The following UNC13A variants were observed in gnomAD, a reference collection of about 807,000 sequenced individuals.
UNC13A encodes the protein protein unc-13 homolog A.
UNC13A carries 61 observed loss-of-function variants against 219.7 expected under a neutral mutation model. The ratio of observed to expected loss-of-function variants is 0.28; its 90% CI spans 0.23 to 0.34. The LOEUF (loss-of-function observed/expected upper bound fraction) is 0.34. UNC13A is among the 10% of genes least tolerant of loss of function. The probability of loss-of-function intolerance (pLI) is 1.00; values close to 1 mark genes in which losing one functional copy is unlikely to be tolerated. For synonymous variants in UNC13A, 920 were observed against 884.6 expected (o/e 1.04, Z -0.71); for missense variants, 1,476 against 2,270.3 (o/e 0.65, Z 7.11).
chr19:17,673,509 A>G (rs1180398170), intron 3 of UNC13A, among the ~76,000 whole-genome samples: 3 of 151,346 alleles, frequency 2.0e-5, no homozygotes, highest in African/African-American at 7.3e-5. Context: ...CCTGGCCAAC[A>G]TGGTGAAACC....
intron 28 of UNC13A, among the ~76,000 whole-genome samples, chr19:17,632,462 C>A (rs1456368766): frequency 2.6e-5 from 4 of 152,250 alleles, no homozygotes; most frequent in African/African-American, 9.6e-5. Context: ...GCATGTGCCA[C>A]CATGCCTGGC....
chr19:17,678,279 G>A (rs2079938883), intron 1 of UNC13A, among the ~76,000 whole-genome samples: 1 of 152,280 alleles, frequency 6.6e-6, no homozygotes, highest in South Asian at 2.1e-4. Context: ...AGGAGTTCGA[G>A]ACCAGCCTGA....
intron 43 of UNC13A, among the ~76,000 whole-genome samples, chr19:17,608,452 A>T (rs1442007250): frequency 7.2e-6 from 1 of 138,462 alleles, no homozygotes; most frequent in African/African-American, 2.7e-5. Context: ...TATATTATAT[A>T]ATATAATATA....
chr19:17,640,730 T>G, intron 21 of UNC13A, 69 bp from the exon 22 acceptor site: 1 of 1,467,328 alleles, frequency 6.8e-7, no homozygotes, highest in Non-Finnish European at 9.1e-7. Context: ...CCCCCTAGAA[T>G]GCCTCCAAGA....
chr19:17,681,939 A>C (rs906899624), intron 1 of UNC13A, among the ~76,000 whole-genome samples: 1 of 141,550 alleles, frequency 7.1e-6, no homozygotes, highest in Admixed American at 7.6e-5. Flanking sequence ...ATTAATAAAA[A>C]CATCATCATT....
At chr19:17,680,876 TTTC>T (rs1327115376) in intron 1 of UNC13A, among the ~76,000 whole-genome samples, 1 of 116,176 alleles carries the variant, frequency 8.6e-6, no homozygotes, top group Non-Finnish European at 1.8e-5. Flanking sequence ...CTTCTTTTTT[TTTC>T]TTTTCTTTTC....
chr19:17,619,175 C>T, intron 38 of UNC13A: 1 of 570,354 alleles, frequency 1.8e-6, no homozygotes, highest in Non-Finnish European at 3.1e-6. Flanking sequence ...CCCCCACCCT[C>T]TCAGCCCCAC....
At chr19:17,665,426 C>T (rs2079622764) in intron 7 of UNC13A, among the ~76,000 whole-genome samples, 1 of 151,898 alleles carries the variant, frequency 6.6e-6, no homozygotes, top group Non-Finnish European at 1.5e-5. Context: ...TCCACAAGGC[C>T]CAGGAAGATA....
rs1238574924 is a variant in UNC13A, at chr19:17,604,965, G to T, written c.*1089C>A. On this transcript the variant is annotated 3_prime_UTR_variant, in exon 44 of 44. Transcript: ENST00000519716. ...GGAAAATTCTGGAAAAGGAAGAAGG[G>T]ATGGAGAAACCTGGGACCAGGGGAT... The T allele has an allele frequency of 6.5e-6, 1 of 152,676 alleles. No individual in the cohort carries two copies. Among genetic ancestry groups the T allele is most frequent in the Admixed American group, 6.5e-5 (1 of 15,276 alleles). 9.5% of individuals were successfully genotyped at this position (152,676 alleles called of 1,614,324 possible). A position where few individuals can be genotyped will look rare whatever the true frequency, so the allele number is the denominator to read the frequency against.
chr19:17,652,793 G>A, intron 11 of UNC13A, 116 bp from the exon 12 acceptor site: 1 of 1,139,856 alleles, frequency 8.8e-7, no homozygotes, highest in South Asian at 1.3e-5. Context: ...CTGGGTCCTA[G>A]TCCTGGCTGA....
At chr19:17,632,683 C>T in intron 28 of UNC13A, 99 bp downstream of exon 28, 1 of 1,564,918 alleles carries the variant, frequency 6.4e-7, no homozygotes, top group African/African-American at 1.3e-5. Flanking sequence ...CCCCTGATGC[C>T]CAGGTAACCC....
At chr19:17,677,736 T>C (rs1174920469) in intron 1 of UNC13A, among the ~76,000 whole-genome samples, 2 of 152,094 alleles carry the variant, frequency 1.3e-5, no homozygotes, top group African/African-American at 2.4e-5. Context: ...GTGTAGGCAA[T>C]GCATGCACAT....
intron 9 of UNC13A, 47 bp downstream of exon 9, chr19:17,658,015 G>A: frequency 6.3e-7 from 1 of 1,587,372 alleles, no homozygotes; most frequent in Non-Finnish European, 8.6e-7. Context: ...CTCCACTCCA[G>A]GAGACACAGC....
chr19:17,618,886 A>T lies in UNC13A; in HGVS notation c.4329+20T>A. On this transcript the variant is annotated intron_variant, in intron 39 of 43. Transcript: ENST00000519716. ...TTTGGGGGGCAGTCCCTCACGCCAT[A>T]ATCTATCCCCACTCCTCACCTTGAG... is the stretch of plus-strand genomic sequence containing the variant. 6.2e-7 allele frequency: 1 copy of T among 1,613,670 alleles called. No individual in the cohort carries two copies. Among genetic ancestry groups the T allele is most frequent in the Admixed American group, 1.7e-5 (1 of 60,008 alleles).
At chr19:17,616,288 T>C (rs1056534756) in intron 41 of UNC13A, 16 of 584,924 alleles carry the variant, frequency 2.7e-5, no homozygotes, top group Non-Finnish European at 4.6e-5. Flanking sequence ...CGCTCAGGCC[T>C]GGGCGGCGGC....
At chr19:17,675,641 AAAAAAG>A (rs2079883142) in intron 2 of UNC13A, among the ~76,000 whole-genome samples, 2 of 149,658 alleles carry the variant, frequency 1.3e-5, no homozygotes, top group African/African-American at 5.0e-5. Flanking sequence ...AAAAAAAAAA[AAAAAAG>A]AAGAAGAAGA....
At chr19:17,684,098 T>C (rs1423424615) in intron 1 of UNC13A, among the ~76,000 whole-genome samples, 2 of 152,116 alleles carry the variant, frequency 1.3e-5, no homozygotes, top group Non-Finnish European at 2.9e-5. Flanking sequence ...TGAGACTCTG[T>C]CTCAAAACAA....
At chr19:17,654,299 A>AT (rs2079409929) in intron 11 of UNC13A, among the ~76,000 whole-genome samples, 1 of 151,902 alleles carries the variant, frequency 6.6e-6, no homozygotes. Context: ...AGTAGCTGCT[A>AT]TTTTTTCAAT....
chr19:17,609,196 C>G (rs1410167902), intron 43 of UNC13A, among the ~76,000 whole-genome samples: 2 of 150,762 alleles, frequency 1.3e-5, no homozygotes, highest in East Asian at 3.9e-4. Flanking sequence ...TCTTGAACTC[C>G]TGACCTCAGG....
Sources: gnomAD v4.1 joint callset for allele counts (sites outside exome capture counted in the v4.1 genomes callset) on GRCh38, gnomAD v4.1.1 for gene constraint, MANE v1.5 for transcripts, NCBI Gene and HGNC (gene_info 2026-07-23, HGNC 2026-07-21) for gene names.